Variants in SLC6A16 observed in about 807,000 individuals in gnomAD.
SLC6A16 encodes orphan sodium- and chloride-dependent neurotransmitter transporter NTT5.
In SLC6A16, 54 loss-of-function variants were observed where a neutral mutation model predicts 65.4. The observed-to-expected ratio is 0.83, with a 90% confidence interval of 0.66 to 1.04. The LOEUF (loss-of-function observed/expected upper bound fraction) is 1.04. Ranked by LOEUF, SLC6A16 falls within the 50% of genes least tolerant of loss-of-function variation. The pLI is 0.00. For missense variants in SLC6A16, 816 were observed against 914.0 expected (o/e 0.89, Z 1.38); for synonymous variants, 330 against 346.5 (o/e 0.95, Z 0.53).
chr19:49,296,324 A>G (rs1183935437), intron 7 of SLC6A16, among the ~76,000 whole-genome samples: 1 of 152,212 alleles, frequency 6.6e-6, no homozygotes, highest in African/African-American at 2.4e-5. Flanking sequence ...GAGAACAAAG[A>G]TCTACAATAG....
chr19:49,339,907 G>A, the SLC6A16 span: 7 of 1,354,344 alleles, frequency 5.2e-6, no homozygotes, highest in East Asian at 2.1e-4. This position sits in a 1 kb window ranked among gnomAD's most constrained non-coding sequence, Gnocchi z 4.5. Context: ...TCAAGACGAG[G>A]ACCAGCCTGA....
chr19:49,320,734 T>C (rs368046418), intron 1 of SLC6A16, among the ~76,000 whole-genome samples: 1 of 152,202 alleles, frequency 6.6e-6, no homozygotes, highest in Non-Finnish European at 1.5e-5. Flanking sequence ...TATGAACTTA[T>C]GAACAACTGT....
rs55808015 is a variant in SLC6A16, at chr19:49,321,319, TA to T, written c.-65+3728del. Reference sequence around the variant, plus strand: ...GACAAAACTCAATACCCTTTCATGATAAAAAAAAAAAAAAAAACTCAACAAT... The same window carrying T: ...GACAAAACTCAATACCCTTTCATGATAAAAAAAAAAAAAAAACTCAACAAT... On this transcript the variant is annotated intron_variant, in intron 1 of 11. Coordinates refer to ENST00000335875, the MANE Select transcript of SLC6A16 (RefSeq NM_014037.3). Among the ~76,000 whole-genome samples, 1,069 of 144,464 alleles carry T rather than the reference TA, an allele frequency of 7.4e-3. 7 individuals carry two copies. Among genetic ancestry groups the T allele is most frequent in the African/African-American group, 0.019 (756 of 39,812 alleles). The allele number at this position is 144,464 out of a possible 152,430, so 94.8% of individuals were successfully genotyped here. A position where few individuals can be genotyped will look rare whatever the true frequency, so the allele number is the denominator to read the frequency against.
At chr19:49,304,810 T>G (rs60559468) in intron 7 of SLC6A16, among the ~76,000 whole-genome samples, 3,393 of 152,340 alleles carry the variant, frequency 0.022, 126 homozygotes, top group African/African-American at 0.071. Flanking sequence ...ATCCAATATT[T>G]TTTTTAAAAT....
chr19:49,290,944 A>G (rs778609177), intron 10 of SLC6A16, among the ~76,000 whole-genome samples, 177 bp from the exon 11 acceptor site: 2 of 152,128 alleles, frequency 1.3e-5, no homozygotes, highest in Admixed American at 6.5e-5. Context: ...ATCCTAACCC[A>G]AGAAACTTTT....
In SLC6A16 at chr19:49,310,964, G is replaced by A. The variant is rs1321178075; in HGVS notation, c.384C>T (p.Arg128=). The A allele has an allele frequency of 6.2e-7, 1 of 1,614,096 alleles. No individual in the cohort carries two copies. The highest frequency in any genetic ancestry group is 8.5e-7 in the Non-Finnish European group (1 of 1,179,942). ...GFSMKPSCLW[R]FAYLWLNSGG... ...CACTGTTAAGCCACAGGTAGGCAAA[G>A]CGCCAGAGACAAGATGGCTTCATAG... Residue 128 remains arginine (R), a synonymous_variant, in exon 2 of 12, where the codon CGC becomes CGT. Transcript: ENST00000335875.
chr19:49,337,974 G>A, the SLC6A16 span: 1 of 1,614,072 alleles, frequency 6.2e-7, no homozygotes, highest in Non-Finnish European at 8.5e-7. Context: ...CAAAAGTACG[G>A]CACCAACCCC....
the SLC6A16 span, among the ~76,000 whole-genome samples, chr19:49,338,420 G>A: frequency 0.018 from 2,660 of 151,926 alleles, 74 homozygotes; most frequent in African/African-American, 0.054. This position sits in a 1 kb window ranked among gnomAD's most constrained non-coding sequence, Gnocchi z 5.0. Flanking sequence ...GGGTATCAGA[G>A]GCTCAATTGC....
chr19:49,331,939 A>C, the SLC6A16 span: 1 of 452,770 alleles, frequency 2.2e-6, no homozygotes, highest in Non-Finnish European at 4.4e-6. Flanking sequence ...TCATGTACTC[A>C]TCTCTGAGGA....
At chr19:49,326,778 G>A (rs192547633), upstream of SLC6A16, among the ~76,000 whole-genome samples, 319 of 152,272 alleles carry the variant, frequency 2.1e-3, no homozygotes, top group African/African-American at 7.5e-3. Context: ...CAGCACTTTG[G>A]GAGGCCAAGG....
the SLC6A16 span, chr19:49,335,631 C>A: frequency 1.2e-6 from 2 of 1,612,316 alleles, no homozygotes; most frequent in Non-Finnish European, 1.7e-6. This position sits in a 1 kb window ranked among gnomAD's most constrained non-coding sequence, Gnocchi z 4.6. Flanking sequence ...CATGGCTACC[C>A]AGCCGGGGCC....
rs144293339 is a variant in SLC6A16, at chr19:49,311,053, C to T, written c.295G>A (p.Val99Ile). The T allele has an allele frequency of 1.7e-3, 2,754 of 1,614,118 alleles. 6 individuals are homozygous for T. The highest frequency in any genetic ancestry group is 2.0e-3 in the Non-Finnish European group (2,319 of 1,180,022). Reference sequence around the variant, plus strand: ...GACCAGAACGGACGGGCAAGGAGGACCTCACTCTCTTTCTTCTCTGTCATC... The same window carrying T: ...GACCAGAACGGACGGGCAAGGAGGATCTCACTCTCTTTCTTCTCTGTCATC... The part of the protein sequence containing the change: ...VQMTEKKESE[V>I]LLARPFWSSK... The change falls in exon 2 of 12, where the codon GTC (valine) becomes ATC (isoleucine). Residue 99 changes from valine to isoleucine, a missense_variant. Val to Ile is a conservative substitution (Grantham distance 29). Coordinates refer to ENST00000335875, the MANE Select transcript of SLC6A16 (RefSeq NM_014037.3).
intron 1 of SLC6A16, among the ~76,000 whole-genome samples, chr19:49,319,662 G>A (rs1159158454): frequency 6.6e-6 from 1 of 152,018 alleles, no homozygotes. Context: ...AGAAGCAGCA[G>A]ACAGAAGATA....
the SLC6A16 span, chr19:49,340,174 T>C: frequency 4.5e-4 from 687 of 1,518,288 alleles, 1 homozygote; most frequent in Non-Finnish European, 6.0e-4. Flanking sequence ...CCCCTGACCT[T>C]TCTCGCCCGG....
chr19:49,309,850 T>C, intron 4 of SLC6A16, 24 bp from the exon 5 acceptor site: 4 of 1,603,068 alleles, frequency 2.5e-6, no homozygotes, highest in Non-Finnish European at 3.4e-6. Context: ...GCTTTAGACA[T>C]GCCTGCTAGA....
chr19:49,338,781 G>A, the SLC6A16 span: 2 of 1,613,866 alleles, frequency 1.2e-6, no homozygotes, highest in Non-Finnish European at 1.7e-6. The surrounding 1 kb of genome is among the most constrained non-coding windows in gnomAD (Gnocchi z 5.0). Flanking sequence ...GGCGCACCGC[G>A]TGCCCTGCTC....
At chr19:49,315,237 GTAAA>G (rs934020525) in intron 1 of SLC6A16, among the ~76,000 whole-genome samples, 1 of 152,182 alleles carries the variant, frequency 6.6e-6, no homozygotes, top group Non-Finnish European at 1.5e-5. Context: ...CAGGAAGTAA[GTAAA>G]TACTTTCCCA....
chr19:49,293,276 G>A lies in SLC6A16; in HGVS notation c.1725C>T (p.Ile575=), dbSNP rs78500246. The change falls in exon 10 of 12, where the codon ATC becomes ATT. Residue 575 remains isoleucine, a synonymous_variant. Coordinates refer to ENST00000335875, the MANE Select transcript of SLC6A16 (RefSeq NM_014037.3). ...LSDYWIVFPI[I]VVVVFETMAV... ...CCATGGTTTCAAATACGACAACGAC[G>A]ATGATGGGGAAGACTATCCAGTAGT... is the stretch of plus-strand genomic sequence containing the variant. 1,591 of 1,614,128 alleles carry A rather than the reference G, an allele frequency of 9.9e-4. 11 individuals carry two copies. The African/African-American group carries it at 0.018, about 18-fold the overall frequency.
intron 9 of SLC6A16, 45 bp from the exon 10 acceptor site, chr19:49,293,427 G>T: frequency 6.3e-7 from 1 of 1,593,862 alleles, no homozygotes; most frequent in South Asian, 1.1e-5. Flanking sequence ...AGTCACGGCT[G>T]GGTGACAAGG....
Sources: gnomAD v4.1 joint callset for allele counts (sites outside exome capture counted in the v4.1 genomes callset) on GRCh38, gnomAD v4.1.1 for gene constraint, Gnocchi (gnomAD v3.1) non-coding constraint, MANE v1.5 for transcripts, NCBI Gene and HGNC (gene_info 2026-07-23, HGNC 2026-07-21) for gene names.